Variants in FAM81A observed in about 807,000 individuals in gnomAD.
The protein encoded by FAM81A is protein FAM81A.
In FAM81A, 19 loss-of-function variants were observed where a neutral mutation model predicts 46.7. The observed-to-expected ratio is 0.41, with a 90% confidence interval of 0.28 to 0.60. The LOEUF (loss-of-function observed/expected upper bound fraction) is 0.60. Ranked by LOEUF, FAM81A falls within the 20% of genes least tolerant of loss-of-function variation. The probability of loss-of-function intolerance (pLI) is 0.34; values close to 1 mark genes in which losing one functional copy is unlikely to be tolerated. For synonymous variants in FAM81A, 183 were observed against 152.9 expected (o/e 1.20, Z -1.45); for missense variants, 377 against 453.5 (o/e 0.83, Z 1.53).
chr15:59,507,962 G>T (rs549966697), intron 5 of FAM81A, among the ~76,000 whole-genome samples: 1 of 152,078 alleles, frequency 6.6e-6, no homozygotes, highest in Non-Finnish European at 1.5e-5. Flanking sequence ...GCTATTGTTC[G>T]TTTAAAGAGA....
chr15:59,498,913 A>G (rs530179413), intron 4 of FAM81A, among the ~76,000 whole-genome samples: 20 of 152,208 alleles, frequency 1.3e-4, no homozygotes, highest in Middle Eastern at 3.4e-3. Context: ...CCTCGGCCTT[A>G]GGATCACTTG....
At chr15:59,406,475 C>G (rs1221115369) in intron 2 of FAM81A, among the ~76,000 whole-genome samples, 1 of 152,194 alleles carries the variant, frequency 6.6e-6, no homozygotes, top group Non-Finnish European at 1.5e-5. Context: ...GTTACCTACA[C>G]TAACTTTAAA....
At chr15:59,425,795 A>AT (rs2081192193) in intron 2 of FAM81A, among the ~76,000 whole-genome samples, 1 of 151,956 alleles carries the variant, frequency 6.6e-6, no homozygotes, top group African/African-American at 2.4e-5. Context: ...CTGGATAATT[A>AT]TTTTATTTTG....
chr15:59,419,815 T>C (rs1419710204), intron 2 of FAM81A, among the ~76,000 whole-genome samples: 16 of 150,118 alleles, frequency 1.1e-4, no homozygotes, highest in African/African-American at 3.9e-4. Flanking sequence ...TGGAGCTGGA[T>C]TGCAGGGAGC....
Position 59,469,242 on chromosome 15 carries a change from T to A in FAM81A, c.294+9036T>A, listed in dbSNP as rs946010726. Among the ~76,000 whole-genome samples, 3 of 152,230 alleles carry A rather than the reference T, an allele frequency of 2.0e-5. No individual in the cohort carries two copies. The East Asian group carries it at 5.8e-4, about 29-fold the overall frequency. ...CTATTAGGTCTGCCTGTTGCAGAGC[T>A]GAGTTCAGGTCCTGGATATCCTTGT... On this transcript the variant is annotated intron_variant, in intron 3 of 8. Transcript: ENST00000288228.
intron 3 of FAM81A, among the ~76,000 whole-genome samples, chr15:59,471,088 T>C (rs1400178959): frequency 2.0e-5 from 3 of 152,114 alleles, no homozygotes; most frequent in Admixed American, 6.6e-5. Context: ...GTGGTAGGAT[T>C]ACAGACATGA....
intron 1 of FAM81A, among the ~76,000 whole-genome samples, chr15:59,448,330 T>C (rs1324921122): frequency 1.3e-5 from 2 of 152,062 alleles, no homozygotes; most frequent in Admixed American, 6.5e-5. Context: ...TGGGTGGAGA[T>C]TGTGCCACAG....
At chr15:59,401,831 T>C (rs1316319796) in intron 1 of FAM81A, 1 of 740,124 alleles carries the variant, frequency 1.4e-6, no homozygotes, top group Non-Finnish European at 2.5e-6. Context: ...TTATTTGTAT[T>C]TTCTCAGCAT....
chr15:59,470,560 A>G (rs2081673539), intron 3 of FAM81A, among the ~76,000 whole-genome samples: 1 of 152,162 alleles, frequency 6.6e-6, no homozygotes, highest in African/African-American at 2.4e-5. Context: ...CCATCAGGTC[A>G]TTTAAGGTCT....
chr15:59,437,614 T>A (rs1452129335), upstream of FAM81A, among the ~76,000 whole-genome samples: 1 of 152,086 alleles, frequency 6.6e-6, no homozygotes, highest in Non-Finnish European at 1.5e-5. Flanking sequence ...ATTCAGTAAA[T>A]GACACATGGC....
chr15:59,471,549 A>G (rs1000084667), intron 3 of FAM81A, among the ~76,000 whole-genome samples: 3 of 152,014 alleles, frequency 2.0e-5, no homozygotes, highest in Non-Finnish European at 2.9e-5. Context: ...TGCAGCGTCA[A>G]ACTCCTGGGC....
intron 8 of FAM81A, among the ~76,000 whole-genome samples, chr15:59,519,294 T>C (rs1324845311): frequency 6.6e-6 from 1 of 151,960 alleles, no homozygotes; most frequent in Non-Finnish European, 1.5e-5. Flanking sequence ...GTTCAAGTGA[T>C]TCTCATACCT....
chr15:59,463,400 G>A (rs2081575675), intron 3 of FAM81A, among the ~76,000 whole-genome samples: 1 of 152,126 alleles, frequency 6.6e-6, no homozygotes, highest in Non-Finnish European at 1.5e-5. Flanking sequence ...ATAAGGTAAT[G>A]TAAGTTCTCC....
chr15:59,426,585 G>T (rs150879459), intron 2 of FAM81A, among the ~76,000 whole-genome samples: 1 of 152,180 alleles, frequency 6.6e-6, no homozygotes. Flanking sequence ...GTACTCCAGC[G>T]TGGGCAACAA....
intron 3 of FAM81A, among the ~76,000 whole-genome samples, chr15:59,469,782 C>T (rs1309939966): frequency 3.9e-5 from 6 of 152,036 alleles, no homozygotes; most frequent in East Asian, 1.9e-4. Context: ...TTATTTTGCC[C>T]GTTAGTTGAT....
chr15:59,404,565 G>A (rs1429682281), intron 2 of FAM81A, among the ~76,000 whole-genome samples: 13 of 151,960 alleles, frequency 8.6e-5, no homozygotes, highest in African/African-American at 2.7e-4. Flanking sequence ...GGCTCAAGCC[G>A]TCCTCCTACC....
chr15:59,468,127 A>G (rs1399248320), intron 3 of FAM81A, among the ~76,000 whole-genome samples: 1 of 151,908 alleles, frequency 6.6e-6, no homozygotes, highest in African/African-American at 2.4e-5. Context: ...TTTATTGAGG[A>G]TTTTCACATT....
Position 59,461,810 on chromosome 15 carries a change from T to A in FAM81A, c.294+1604T>A, listed in dbSNP as rs568680980. On this transcript the variant is annotated intron_variant, in intron 3 of 8. Transcript: ENST00000288228. ...TATGAGTAAAGCTGCTATGAACATT[T>A]GTGACAGGTCTTTGATGTGAAAATA... Among the ~76,000 whole-genome samples the A allele has an allele frequency of 1.4e-3, 209 of 152,340 alleles. 2 individuals are homozygous for A. The highest frequency in any genetic ancestry group is 3.4e-3 in the Middle Eastern group (1 of 294).
chr15:59,468,893 C>G (rs946053187), intron 3 of FAM81A, among the ~76,000 whole-genome samples: 1 of 152,140 alleles, frequency 6.6e-6, no homozygotes, highest in Non-Finnish European at 1.5e-5. Context: ...AAATGTGTCC[C>G]AGAGATTCTG....
Sources: gnomAD v4.1 joint callset for allele counts (sites outside exome capture counted in the v4.1 genomes callset) on GRCh38, gnomAD v4.1.1 for gene constraint, MANE v1.5 for transcripts, NCBI Gene and HGNC (gene_info 2026-07-23, HGNC 2026-07-21) for gene names.